Variants in ELL2 observed in about 807,000 individuals in gnomAD.
ELL2 encodes the protein RNA polymerase II elongation factor ELL2.
In ELL2, 21 loss-of-function variants were observed where a neutral mutation model predicts 72.8. The ratio of observed to expected loss-of-function variants is 0.29; its 90% CI spans 0.20 to 0.42. The LOEUF (loss-of-function observed/expected upper bound fraction) is 0.42. Among genes scored for constraint, ELL2 ranks in the 10% least tolerant of loss-of-function variants. ELL2 has a pLI of 1.00. For synonymous variants in ELL2, 266 were observed against 283.2 expected (o/e 0.94, Z 0.61); for missense variants, 568 against 772.8 (o/e 0.73, Z 3.14).
At position 95,900,964 on chromosome 5, in the gene ELL2, C is replaced by T. The variant is rs1285514930; in HGVS notation, c.858G>A (p.Val286=). The T allele has an allele frequency of 2.5e-6, 4 of 1,601,902 alleles. No individual in the cohort carries two copies. Among genetic ancestry groups the T allele is most frequent in the Non-Finnish European group, 3.4e-6 (4 of 1,177,096 alleles). Residue 286 remains valine, a synonymous_variant, in exon 6 of 12, where the codon GTG becomes GTA. Transcript: ENST00000237853. ...SEIDRRSLES[V]LSRKLNPSQN... Reference sequence around the variant, plus strand: ...AGAAAAAAAGAATTCACCTAGAGAGCACTGACTCCAATGACCGTCTGTCTA... The same window carrying T: ...AGAAAAAAAGAATTCACCTAGAGAGTACTGACTCCAATGACCGTCTGTCTA...
Position 95,901,065 on chromosome 5 carries a change from A to T in ELL2, c.757T>A (p.Ser253Thr). 4 of 1,603,284 alleles carry T rather than the reference A, an allele frequency of 2.5e-6. No individual in the cohort carries two copies. Among genetic ancestry groups the T allele is most frequent in the Non-Finnish European group, 3.4e-6 (4 of 1,177,294 alleles). ...AILQQVANLN[S>T]KDLSYTLKDY... ...TTTAAGGTATATGAGAGGTCCTTAG[A>T]ATTCAGATTGGCTACCTAGTATGAG... Residue 253 changes from serine (S) to threonine (T), a missense_variant, in exon 6 of 12, where the codon TCT becomes ACT. Ser to Thr is a moderately conservative substitution (Grantham distance 58). Around this residue, in one of 2 missense-constraint regions of ELL2, gnomAD observed 511 missense variants for 728.4 expected, o/e 0.70. Coordinates refer to ENST00000237853, the MANE Select transcript of ELL2 (RefSeq NM_012081.6).
In ELL2 at chr5:95,901,257, T is replaced by TA. The variant is rs1196824983; in HGVS notation, c.742-178dup. On this transcript the variant is annotated intron_variant, in intron 5 of 11. Transcript: ENST00000237853. ...ATGCCATTAACTTCATTTTGGGAAT[T>TA]AAAGCTTTATATACACAGCTAAATG... 9.3e-6 allele frequency: 5 copies of TA among 539,234 alleles called. No homozygotes were observed. In the East Asian group the frequency reaches 1.7e-4, roughly 19 times the overall value. 33.4% of individuals were successfully genotyped at this position (539,234 alleles called of 1,614,324 possible).
intron 1 of ELL2, among the ~76,000 whole-genome samples, chr5:95,944,630 C>T (rs986433015): frequency 6.6e-5 from 10 of 152,196 alleles, no homozygotes; most frequent in Non-Finnish European, 1.3e-4. Flanking sequence ...GAAAGCATGC[C>T]CATAGGGGCC....
At position 95,898,510 on chromosome 5, in the gene ELL2, C is replaced by T. The variant is rs369188132; in HGVS notation, c.1255G>A (p.Asp419Asn). The T allele has an allele frequency of 1.6e-5, 26 of 1,613,992 alleles. No individual in the cohort carries two copies. Among genetic ancestry groups the T allele is most frequent in the African/African-American group, 5.3e-5 (4 of 74,884 alleles). ...DLPVDSFSQN[D>N]SIYEDQQDKY... ...TCTTGCTGGTCCTCATAGATACTATCGTTTTGACTAAAACTGTCAACAGGT... is the reference window on the plus strand; with the variant it reads ...TCTTGCTGGTCCTCATAGATACTATTGTTTTGACTAAAACTGTCAACAGGT... Residue 419 changes from aspartate (D) to asparagine (N), a missense_variant, in exon 8 of 12, where the codon GAT (aspartate) becomes AAT (asparagine). Asp to Asn is a conservative substitution (Grantham distance 23, BLOSUM62 1). This residue lies in a region of ELL2 where 511 missense variants were observed against 728.4 expected (regional missense o/e 0.70). Transcript: ENST00000237853.
At chr5:95,916,492 G>A in intron 3 of ELL2, among the ~76,000 whole-genome samples, 1 of 152,082 alleles carries the variant, frequency 6.6e-6, no homozygotes, top group Non-Finnish European at 1.5e-5. Context: ...TAAGCCACTG[G>A]AACAGACGCT....
At chr5:95,915,640 G>T (rs1032732023) in intron 3 of ELL2, among the ~76,000 whole-genome samples, 1 of 152,158 alleles carries the variant, frequency 6.6e-6, no homozygotes, top group African/African-American at 2.4e-5. Context: ...AAATTCCAGG[G>T]AGCAGAGGAC....
chr5:95,923,905 A>C (rs1436409450), intron 2 of ELL2, among the ~76,000 whole-genome samples: 3 of 152,238 alleles, frequency 2.0e-5, no homozygotes, highest in Non-Finnish European at 4.4e-5. Flanking sequence ...GTATACTCTT[A>C]AGAATGAAAT....
At chr5:95,932,282 T>C (rs1018650924) in intron 2 of ELL2, among the ~76,000 whole-genome samples, 5 of 152,164 alleles carry the variant, frequency 3.3e-5, no homozygotes, top group Admixed American at 6.5e-5. Flanking sequence ...GAGGTTGGCA[T>C]GTCTGATGTA....
Position 95,919,526 on chromosome 5 carries a change from T to C in ELL2, c.215A>G (p.Asn72Ser), listed in dbSNP as rs1254111225. 4 of 1,563,468 alleles carry C rather than the reference T, an allele frequency of 2.6e-6. No homozygotes were observed. Among genetic ancestry groups the C allele is most frequent in the Non-Finnish European group, 3.4e-6 (4 of 1,163,236 alleles). Residue 72 changes from asparagine to serine, a missense_variant, in exon 3 of 12, where the codon AAT becomes AGT. By Grantham distance (46) the Asn-to-Ser change is conservative. Coordinates refer to ENST00000237853, the MANE Select transcript of ELL2 (RefSeq NM_012081.6). ...GLHGLVKIPK[N>S]DPLNEVHNFN... is the part of the protein sequence containing the mutation. ...GTTATGAACTTCATTGAGGGGATCATTTTTGGGAATTTTGACAAGCTAAAA... is the reference window on the plus strand; with the variant it reads ...GTTATGAACTTCATTGAGGGGATCACTTTTGGGAATTTTGACAAGCTAAAA...
intron 2 of ELL2, among the ~76,000 whole-genome samples, chr5:95,925,863 C>A (rs1750262425): frequency 6.6e-6 from 1 of 152,144 alleles, no homozygotes; most frequent in African/African-American, 2.4e-5. Flanking sequence ...TATCTAAAAT[C>A]TATTATTTGA....
chr5:95,902,137 T>C (rs143539161), intron 5 of ELL2, among the ~76,000 whole-genome samples: 120 of 152,372 alleles, frequency 7.9e-4, no homozygotes, highest in African/African-American at 2.6e-3. Flanking sequence ...TTGTATTAAG[T>C]AGAAACCAAA....
intron 2 of ELL2, among the ~76,000 whole-genome samples, chr5:95,925,449 A>G (rs533064193): frequency 2.0e-5 from 3 of 152,280 alleles, no homozygotes; most frequent in Admixed American, 6.5e-5. Context: ...TAATACTAAC[A>G]TATTATGTTT....
chr5:95,918,712 A>G (rs1331566769), intron 3 of ELL2, among the ~76,000 whole-genome samples: 1 of 152,134 alleles, frequency 6.6e-6, no homozygotes, highest in East Asian at 1.9e-4. Flanking sequence ...CCTTGTCTAT[A>G]TCCAGGGGCA....
intron 8 of ELL2, among the ~76,000 whole-genome samples, chr5:95,896,081 T>C (rs1242176207): frequency 6.6e-6 from 1 of 152,238 alleles, no homozygotes; most frequent in African/African-American, 2.4e-5. Flanking sequence ...TTTCATGGGA[T>C]TCAAACAAGG....
At position 95,914,442 on chromosome 5, in the gene ELL2, T is replaced by G. The variant is rs528037589; in HGVS notation, c.318-508A>C. Among the ~76,000 whole-genome samples the G allele has an allele frequency of 1.9e-3, 293 of 152,308 alleles. 1 individual carries two copies. Among genetic ancestry groups the G allele is most frequent in the African/African-American group, 6.8e-3 (282 of 41,574 alleles). The stretch of plus-strand genomic sequence containing the variant: ...TTAAAGCTTACTTTAATATTATTAG[T>G]CCAAAAAGTTCCTAAAAATTTGCAG... On this transcript the variant is annotated intron_variant, in intron 3 of 11. Coordinates refer to ENST00000237853, the MANE Select transcript of ELL2 (RefSeq NM_012081.6).
At position 95,898,450 on chromosome 5, in the gene ELL2, G is replaced by T. The variant is rs199535968; in HGVS notation, c.1315C>A (p.Pro439Thr). The T allele has an allele frequency of 6.2e-7, 1 of 1,613,736 alleles. No homozygotes were observed. Among genetic ancestry groups the T allele is most frequent in the Non-Finnish European group, 8.5e-7 (1 of 1,179,924 alleles). Residue 439 changes from proline to threonine, a missense_variant, in exon 8 of 12, where the codon CCC becomes ACC. Coordinates refer to ENST00000237853, the MANE Select transcript of ELL2 (RefSeq NM_012081.6). ...CACTTTAGTAGAACGGAACCAGGGGGTAAGGTTTCCAGAGAAGTCCTAGAG... is the reference window on the plus strand; with the variant it reads ...CACTTTAGTAGAACGGAACCAGGGGTTAAGGTTTCCAGAGAAGTCCTAGAG... ...YTSRTSLETL[P>T]PGSVLLKCPK...
intron 4 of ELL2, among the ~76,000 whole-genome samples, chr5:95,910,714 C>T (rs1358891483): frequency 2.0e-5 from 3 of 152,158 alleles, no homozygotes; most frequent in Non-Finnish European, 4.4e-5. Context: ...ATCACGCTAC[C>T]ACCATGCCAC....
intron 5 of ELL2, among the ~76,000 whole-genome samples, chr5:95,903,004 G>A (rs879187381): frequency 1.3e-5 from 2 of 151,938 alleles, no homozygotes; most frequent in East Asian, 3.9e-4. Context: ...GTGTAGACTG[G>A]TCTCAAACTC....
chr5:95,943,325 A>G (rs1751040693), intron 1 of ELL2, among the ~76,000 whole-genome samples: 1 of 152,066 alleles, frequency 6.6e-6, no homozygotes, highest in Non-Finnish European at 1.5e-5. Context: ...TAATGTGTGA[A>G]AATCTCTTTT....
Sources: allele counts gnomAD v4.1 joint callset (sites outside exome capture counted in the v4.1 genomes callset), GRCh38; gene constraint gnomAD v4.1.1; regional missense constraint gnomAD v4.1.1; transcripts MANE v1.5; gene names NCBI Gene and HGNC (gene_info 2026-07-23, HGNC 2026-07-21).